UTS2: variants seen among roughly 807,000 people sequenced by gnomAD.
The protein encoded by UTS2 is urotensin-2.
In UTS2, 10 loss-of-function variants were observed where a neutral mutation model predicts 12.6. The observed-to-expected ratio is 0.80, with a 90% CI of 0.49 to 1.35. UTS2 has a LOEUF of 1.35. UTS2 is among the 40% of genes most tolerant of loss of function. The pLI is 0.00. For synonymous variants in UTS2, 52 were observed against 50.0 expected, an observed-to-expected ratio of 1.04 and a Z score of -0.17; for missense variants, 142 against 143.2, an observed-to-expected ratio of 0.99 and a Z score of 0.04.
intron 1 of UTS2, among the ~76,000 whole-genome samples, chr1:7,852,306 T>C (rs2097414983): frequency 6.6e-6 from 1 of 152,208 alleles, no homozygotes; most frequent in Admixed American, 6.5e-5. Context: ...AATGAGAAAC[T>C]ACTTGACTGA....
At chr1:7,861,258 G>A in the UTS2 span, among the ~76,000 whole-genome samples, 4 of 152,126 alleles carry the variant, frequency 2.6e-5, no homozygotes, top group Non-Finnish European at 4.4e-5. Context: ...GGAGGGGATC[G>A]TCAGTGATTT....
chr1:7,891,519 C>T, the UTS2 span, among the ~76,000 whole-genome samples: 3 of 95,624 alleles, frequency 3.1e-5, no homozygotes, highest in African/African-American at 8.3e-5. Context: ...AAGCCAGACT[C>T]GATCTAAGAA....
intron 2 of UTS2, 61 bp downstream of exon 2, chr1:7,850,750 GA>G: frequency 1.3e-5 from 20 of 1,524,200 alleles, no homozygotes; most frequent in Non-Finnish European, 1.8e-5. Flanking sequence ...TCTAGATGAG[GA>G]CAGACGGTAA....
chr1:7,851,862 A>G (rs2097414506), intron 1 of UTS2, among the ~76,000 whole-genome samples: 2 of 152,228 alleles, frequency 1.3e-5, no homozygotes, highest in African/African-American at 4.8e-5. Context: ...CACTCATTTC[A>G]TCTATGTTTC....
At chr1:7,866,856 G>A in the UTS2 span, among the ~76,000 whole-genome samples, 5 of 152,164 alleles carry the variant, frequency 3.3e-5, no homozygotes, top group Admixed American at 6.5e-5. This position sits in a 1 kb window ranked among gnomAD's most constrained non-coding sequence, Gnocchi z 4.5. Context: ...ATCAAATTAC[G>A]TAAGTTTTTT....
chr1:7,856,525 C>A (rs573536015), upstream of UTS2, among the ~76,000 whole-genome samples: 1 of 44,216 alleles, frequency 2.3e-5, no homozygotes, highest in African/African-American at 9.6e-5. Context: ...GCGTGGCCTC[C>A]GAGGAGGAGG....
chr1:7,877,126 C>CAAAAAAAAAAAAAAAAAAAA, the UTS2 span, among the ~76,000 whole-genome samples: 1 of 62,802 alleles, frequency 1.6e-5, no homozygotes, highest in Non-Finnish European at 2.9e-5. Flanking sequence ...GAGACTCTAT[C>CAAAAAAAAAAAAAAAAAAAA]AAAAAAAAAA....
the UTS2 span, among the ~76,000 whole-genome samples, chr1:7,904,581 C>T: frequency 4.6e-5 from 7 of 151,786 alleles, no homozygotes; most frequent in African/African-American, 7.3e-5. Context: ...TAAATAGTTA[C>T]GTGTTATGCA....
At chr1:7,879,582 A>G in the UTS2 span, among the ~76,000 whole-genome samples, 1 of 152,154 alleles carries the variant, frequency 6.6e-6, no homozygotes, top group Non-Finnish European at 1.5e-5. Flanking sequence ...CTCTACTAAA[A>G]ATACAAAAAT....
chr1:7,856,310 A>G (rs1638304899), upstream of UTS2, among the ~76,000 whole-genome samples: 1 of 152,238 alleles, frequency 6.6e-6, no homozygotes. Flanking sequence ...CAACATTAAC[A>G]TACGCTGTAG....
chr1:7,908,295 T>TAA, the UTS2 span, among the ~76,000 whole-genome samples: 767 of 107,828 alleles, frequency 7.1e-3, 8 homozygotes, highest in African/African-American at 0.025. Context: ...AGACTCCGTC[T>TAA]AAAAAAAAAA....
chr1:7,899,876 T>C, the UTS2 span, among the ~76,000 whole-genome samples: 5 of 152,204 alleles, frequency 3.3e-5, no homozygotes, highest in African/African-American at 4.8e-5. Flanking sequence ...TGAAGTCATC[T>C]GGAAGCTTCA....
chr1:7,852,111 C>T (rs1427148701), intron 1 of UTS2, among the ~76,000 whole-genome samples: 6 of 151,106 alleles, frequency 4.0e-5, no homozygotes, highest in Admixed American at 6.6e-5. Flanking sequence ...CTTTTAGAGA[C>T]GAGAAACTAT....
the UTS2 span, among the ~76,000 whole-genome samples, chr1:7,886,192 C>A: frequency 6.6e-6 from 1 of 152,078 alleles, no homozygotes; most frequent in African/African-American, 2.4e-5. Flanking sequence ...GGGAGGGCCT[C>A]AAAACCCCCG....
chr1:7,906,501 A>AAGAAAGAAAGAAAGAG, the UTS2 span, among the ~76,000 whole-genome samples: 1 of 150,198 alleles, frequency 6.7e-6, no homozygotes, highest in African/African-American at 2.4e-5. Context: ...GAAAGAAAGA[A>AAGAAAGAAAGAAAGAG]AGAAAGAAAA....
At chr1:7,891,600 A>G in the UTS2 span, among the ~76,000 whole-genome samples, 2 of 107,994 alleles carry the variant, frequency 1.9e-5, no homozygotes, top group African/African-American at 3.4e-5. Flanking sequence ...AAGAAAGAAA[A>G]TTGCCAAGAG....
chr1:7,871,886 C>A, the UTS2 span, among the ~76,000 whole-genome samples: 1 of 125,314 alleles, frequency 8.0e-6, no homozygotes, highest in Non-Finnish European at 1.7e-5. Flanking sequence ...CTCCTTGGGC[C>A]TCCTCAATTC....
At chr1:7,906,503 G>GAAAGAAAGAAAGAAAGAAAGAAAGA in the UTS2 span, among the ~76,000 whole-genome samples, 1 of 130,060 alleles carries the variant, frequency 7.7e-6, no homozygotes, top group African/African-American at 2.8e-5. Context: ...AAGAAAGAAA[G>GAAAGAAAGAAAGAAAGAAAGAAAGA]AAAGAAAAGA....
chr1:7,894,279 C>T, the UTS2 span, among the ~76,000 whole-genome samples: 1 of 151,844 alleles, frequency 6.6e-6, no homozygotes, highest in African/African-American at 2.4e-5. Context: ...ACCTCCCAGG[C>T]TCAAGTGATG....
Sources: gnomAD v4.1 joint callset for allele counts (sites outside exome capture counted in the v4.1 genomes callset) on GRCh38, gnomAD v4.1.1 for gene constraint, Gnocchi (gnomAD v3.1) non-coding constraint, MANE v1.5 for transcripts, NCBI Gene and HGNC (gene_info 2026-07-23, HGNC 2026-07-21) for gene names.